RARA: variants seen among roughly 807,000 people sequenced by gnomAD.
RARA encodes the protein retinoic acid receptor alpha.
In RARA, 5 loss-of-function variants were observed where a neutral mutation model predicts 42.8. The ratio of observed to expected loss-of-function variants is 0.12; its 90% CI spans 0.06 to 0.25. The LOEUF is 0.25. Ranked by LOEUF, RARA falls within the 10% of genes least tolerant of loss-of-function variation. The pLI is 1.00. For synonymous variants in RARA, 256 were observed against 259.5 expected (o/e 0.99, Z 0.13); for missense variants, 402 against 628.7 (o/e 0.64, Z 3.86).
chr17:40,310,017 AG>A (rs2033066445), intron 1 of RARA, among the ~76,000 whole-genome samples: 1 of 152,090 alleles, frequency 6.6e-6, no homozygotes, highest in African/African-American at 2.4e-5. Flanking sequence ...ATTGAAGGGG[AG>A]GGATACCAGA....
chr17:40,352,551 T>C lies in RARA; in HGVS notation c.807+44T>C, dbSNP rs200921661. On this transcript the variant is annotated intron_variant, in intron 6 of 8. Transcript: ENST00000254066. The surrounding 1 kb of genome is among the most constrained non-coding windows in gnomAD (Gnocchi z 4.9). ...GCCCCCAGGCACTGCCCCTGTGTCC[T>C]GGGTAGATGTCCTTCCAGCCAGACA... 1.5e-4 allele frequency: 228 copies of C among 1,480,178 alleles called. No homozygotes were observed. The African/African-American group carries it at 2.8e-3, about 18-fold the overall frequency. The allele number at this position is 1,480,178 out of a possible 1,614,324, so 91.7% of individuals were successfully genotyped here. A position where few individuals can be genotyped will look rare whatever the true frequency, so the allele number is the denominator to read the frequency against.
chr17:40,332,890 G>T (rs573300985), intron 2 of RARA, among the ~76,000 whole-genome samples: 6 of 152,362 alleles, frequency 3.9e-5, no homozygotes, highest in African/African-American at 1.4e-4. Context: ...TAGTGATGGG[G>T]AGAGGCCAGC....
At chr17:40,318,385 C>T (rs373457172) in intron 1 of RARA, 3 of 152,296 alleles carry the variant, frequency 2.0e-5, no homozygotes, top group South Asian at 2.1e-4. Context: ...AGCACCAGGG[C>T]GCCGGGTTAG....
At chr17:40,341,528 C>T (rs779127483) in intron 2 of RARA, 2 of 1,474,438 alleles carry the variant, frequency 1.4e-6, no homozygotes, top group South Asian at 1.3e-5. Flanking sequence ...TCCGCGTCTC[C>T]GGGGGAGGTG....
chr17:40,316,647 C>A (rs1174470619), intron 1 of RARA, among the ~76,000 whole-genome samples: 1 of 152,206 alleles, frequency 6.6e-6, no homozygotes, highest in Non-Finnish European at 1.5e-5. Context: ...TGGGCTGGTT[C>A]TCACCTGGGC....
At chr17:40,330,234 C>T (rs1338985183) in intron 1 of RARA, among the ~76,000 whole-genome samples, 3 of 152,052 alleles carry the variant, frequency 2.0e-5, no homozygotes, top group Non-Finnish European at 2.9e-5. Flanking sequence ...TCCTACACAT[C>T]GCCTACCCCT....
At chr17:40,329,519 C>T (rs2033635016) in intron 1 of RARA, among the ~76,000 whole-genome samples, 1 of 152,186 alleles carries the variant, frequency 6.6e-6, no homozygotes, top group South Asian at 2.1e-4. Context: ...GGGGTTTCGG[C>T]ATGTTGGTCA....
chr17:40,319,467 G>A (rs948651275), intron 1 of RARA, among the ~76,000 whole-genome samples: 8 of 152,144 alleles, frequency 5.3e-5, no homozygotes, highest in African/African-American at 1.9e-4. Context: ...TCTGATGGCT[G>A]TGTGCACATA....
At chr17:40,342,946 A>T in intron 2 of RARA, 3 of 1,529,380 alleles carry the variant, frequency 2.0e-6, no homozygotes, top group East Asian at 2.3e-5. Flanking sequence ...CGGGGGTGAG[A>T]GTCCCGGGGT....
chr17:40,356,598 A>C lies in RARA; in HGVS notation c.*372A>C. 1 of 545,746 alleles carries C rather than the reference A, an allele frequency of 1.8e-6. No homozygotes were observed. The highest frequency in any genetic ancestry group is 3.5e-6 in the Non-Finnish European group (1 of 283,582). The allele number at this position is 545,746 out of a possible 1,614,324, so 33.8% of individuals were successfully genotyped here. On this transcript the variant is annotated 3_prime_UTR_variant, in exon 9 of 9. Transcript: ENST00000254066. ...CTTGGCTCCCCCATCCTCAGAACTC[A>C]CAAGCCATTGCTCCCCAGCTGGGGA... is the stretch of plus-strand genomic sequence containing the variant.
At position 40,354,207 on chromosome 17, in the gene RARA, G is replaced by C. The variant is rs1265053496; in HGVS notation, c.808-95G>C. 11 of 1,201,116 alleles carry C rather than the reference G, an allele frequency of 9.2e-6. No individual in the cohort carries two copies. The East Asian group carries it at 2.7e-4, about 30-fold the overall frequency. The allele number at this position is 1,201,116 out of a possible 1,614,324, so 74.4% of individuals were successfully genotyped here. On this transcript the variant is annotated intron_variant, in intron 6 of 8. Transcript: ENST00000254066. This position sits in a 1 kb window ranked among gnomAD's most constrained non-coding sequence, Gnocchi z 4.5. ...CAGCATTGCTCCGGCCACCTGCCAGGTGGTCCTCCGGGAGTGCTGGTGCGG... is the reference window on the plus strand; with the variant it reads ...CAGCATTGCTCCGGCCACCTGCCAGCTGGTCCTCCGGGAGTGCTGGTGCGG...
intron 1 of RARA, among the ~76,000 whole-genome samples, chr17:40,322,657 C>A (rs921472876): frequency 6.6e-6 from 1 of 152,026 alleles, no homozygotes; most frequent in Admixed American, 6.5e-5. Flanking sequence ...GCCCAGGAAT[C>A]GAGACTTGAG....
intron 2 of RARA, among the ~76,000 whole-genome samples, chr17:40,336,506 A>G (rs1248186291): frequency 6.6e-6 from 1 of 151,658 alleles, no homozygotes; most frequent in Non-Finnish European, 1.5e-5. Flanking sequence ...ATTCTCCTGT[A>G]GCCTCCCAAG....
chr17:40,315,132 G>GTATATATATATA (rs71356657), intron 1 of RARA, among the ~76,000 whole-genome samples: 8 of 64,174 alleles, frequency 1.2e-4, no homozygotes, highest in Middle Eastern at 9.4e-3. Flanking sequence ...GCTTATATGT[G>GTATATATATATA]TATATATATA....
At chr17:40,315,167 T>TACACACACACAC (rs1299638664) in intron 1 of RARA, among the ~76,000 whole-genome samples, 1 of 116,032 alleles carries the variant, frequency 8.6e-6, no homozygotes, top group African/African-American at 4.2e-5. Flanking sequence ...TATATATATA[T>TACACACACACAC]ATATACACAC....
chr17:40,343,462 A>G (rs1392379209), intron 2 of RARA, among the ~76,000 whole-genome samples: 2 of 152,118 alleles, frequency 1.3e-5, no homozygotes, highest in Non-Finnish European at 2.9e-5. Context: ...CTAACCTTCC[A>G]TCTTGGCAAG....
chr17:40,313,266 G>A (rs551126149), intron 1 of RARA, among the ~76,000 whole-genome samples: 1 of 152,218 alleles, frequency 6.6e-6, no homozygotes, highest in South Asian at 2.1e-4. Flanking sequence ...GTGGTTGTTT[G>A]CCCATCTCCC....
intron 2 of RARA, among the ~76,000 whole-genome samples, chr17:40,346,461 A>G (rs1359725654): frequency 1.3e-5 from 2 of 151,802 alleles, no homozygotes; most frequent in Non-Finnish European, 1.5e-5. Flanking sequence ...GCTGACCAAG[A>G]TTCTAGGCCA....
In RARA at chr17:40,332,422, C is replaced by T. The variant is rs373507335; in HGVS notation, c.178+1026C>T. Among the ~76,000 whole-genome samples the T allele has an allele frequency of 5.3e-5, 8 of 152,334 alleles. No homozygotes were observed. In the East Asian group the frequency reaches 7.7e-4, roughly 15 times the overall value. ...CCCTGTGCACCCACCACCCCTCTCA[C>T]GGCTGCTGGCAAGCTGCCTGGCACC... On this transcript the variant is annotated intron_variant, in intron 2 of 8. Coordinates refer to ENST00000254066, the MANE Select transcript of RARA (RefSeq NM_000964.4).
Sources: allele counts gnomAD v4.1 joint callset (sites outside exome capture counted in the v4.1 genomes callset), GRCh38; gene constraint gnomAD v4.1.1; non-coding constraint Gnocchi (gnomAD v3.1); transcripts MANE v1.5; gene names NCBI Gene and HGNC (gene_info 2026-07-23, HGNC 2026-07-21).